Variants in TMEM164 observed in about 807,000 individuals in gnomAD.
The protein encoded by TMEM164 is RP13-360B22.2.
In TMEM164, 4 loss-of-function variants were observed where a neutral mutation model predicts 18.8. The ratio of observed to expected loss-of-function variants is 0.21; its 90% confidence interval spans 0.10 to 0.49. TMEM164 has a LOEUF of 0.49. Ranked by LOEUF, TMEM164 falls within the 20% of genes least tolerant of loss-of-function variation. TMEM164 has a pLI of 0.98. For missense variants in TMEM164, 108 were observed against 239.9 expected, an observed-to-expected ratio of 0.45 and a Z score of 3.63; for synonymous variants, 86 against 101.7, an observed-to-expected ratio of 0.85 and a Z score of 0.93.
chrX:110,055,203 A>C (rs1359949406), intron 2 of TMEM164: 2 of 325,278 alleles, frequency 6.1e-6, no homozygotes, highest in Non-Finnish European at 1.2e-5. Flanking sequence ...TATTCTCTTG[A>C]ATTTCTTTTT....
intron 3 of TMEM164, among the ~76,000 whole-genome samples, chrX:110,069,783 A>G (rs1188440016): frequency 9.2e-6 from 1 of 109,079 alleles, no homozygotes; most frequent in African/African-American, 3.3e-5. Flanking sequence ...TCCAAATATG[A>G]CTCTTTTCTT....
rs756509224 is a variant in TMEM164, at chrX:110,144,211, C to G, written c.508-587C>G. ...GGAAAGTTTATTCTTGGATCTAGAC[C>G]CTATGAGACCTAGCAATCATTTTTT... On this transcript the variant is annotated intron_variant, in intron 4 of 6. Transcript: ENST00000372068. Among the ~76,000 whole-genome samples, 4 of 111,645 alleles carry G rather than the reference C, an allele frequency of 3.6e-5. No homozygotes were observed. In the Admixed American group the frequency reaches 3.8e-4, roughly 11 times the overall value.
intron 2 of TMEM164, among the ~76,000 whole-genome samples, chrX:110,049,378 G>A (rs1262400415): frequency 9.0e-6 from 1 of 110,897 alleles, no homozygotes; most frequent in African/African-American, 3.3e-5. Flanking sequence ...ACTGAGGTGG[G>A]GGGTGGGGGA....
rs189742962 is a variant in TMEM164, at chrX:110,094,392, G to T, written c.441-14688G>T. Among the ~76,000 whole-genome samples, 405 of 112,062 alleles carry T rather than the reference G, an allele frequency of 3.6e-3. 1 individual carries two copies. Among genetic ancestry groups the T allele is most frequent in the African/African-American group, 0.012 (356 of 30,827 alleles). The stretch of plus-strand genomic sequence containing the variant: ...CCTGTAGTGGGTGCATATATATTTA[G>T]AATGGTTAGCTCTTCTTGTTGAATT... On this transcript the variant is annotated intron_variant, in intron 3 of 6. Coordinates refer to ENST00000372068, the MANE Select transcript of TMEM164 (RefSeq NM_032227.4).
At chrX:110,181,914 C>T (rs767774259), downstream of TMEM164, among the ~76,000 whole-genome samples, 52 of 111,857 alleles carry the variant, frequency 4.6e-4, no homozygotes, top group Non-Finnish European at 1.3e-4. Context: ...CACTCATACC[C>T]ACTCTGCCTT....
At chrX:110,154,383 G>A (rs564959175) in intron 5 of TMEM164, among the ~76,000 whole-genome samples, 1 of 111,344 alleles carries the variant, frequency 9.0e-6, no homozygotes, top group Non-Finnish European at 1.9e-5. Flanking sequence ...GGAGTGCATA[G>A]TACCACCAAG....
chrX:110,049,152 T>C (rs1935438757), intron 2 of TMEM164, among the ~76,000 whole-genome samples: 1 of 111,892 alleles, frequency 8.9e-6, no homozygotes, highest in African/African-American at 3.3e-5. Flanking sequence ...TCATTTGATT[T>C]GGGGCCCTGC....
chrX:110,007,195 G>A (rs762306323), intron 2 of TMEM164, among the ~76,000 whole-genome samples: 1 of 112,444 alleles, frequency 8.9e-6, no homozygotes, highest in South Asian at 3.7e-4. Flanking sequence ...ACTGCCAACT[G>A]TAGTAGCATA....
intron 3 of TMEM164, among the ~76,000 whole-genome samples, chrX:110,096,899 G>T (rs990571862): frequency 1.8e-5 from 2 of 112,001 alleles, no homozygotes; most frequent in Non-Finnish European, 3.8e-5. Context: ...ACAGGATTGC[G>T]CTACAGCACC....
intron 3 of TMEM164, among the ~76,000 whole-genome samples, chrX:110,093,523 T>G (rs1307215353): frequency 8.9e-6 from 1 of 112,076 alleles, no homozygotes; most frequent in Admixed American, 9.5e-5. Flanking sequence ...CTGTGGAATC[T>G]GTGGTGATAT....
intron 4 of TMEM164, among the ~76,000 whole-genome samples, chrX:110,135,960 C>G (rs901518657): frequency 5.4e-5 from 6 of 111,689 alleles, no homozygotes; most frequent in Non-Finnish European, 9.4e-5. Flanking sequence ...TACCATCTAC[C>G]TTATTTAATC....
intron 2 of TMEM164, chrX:110,055,386 T>G: frequency 5.6e-6 from 2 of 357,673 alleles, no homozygotes; most frequent in Non-Finnish European, 1.1e-5. Context: ...TAGACTATAA[T>G]TGAATGGCGC....
At chrX:110,022,112 A>G (rs1207343636) in intron 2 of TMEM164, among the ~76,000 whole-genome samples, 1 of 112,073 alleles carries the variant, frequency 8.9e-6, no homozygotes, top group Non-Finnish European at 1.9e-5. Flanking sequence ...AAACTCCTCA[A>G]GTGATTCTAA....
chrX:110,100,326 C>G (rs1270566040), intron 3 of TMEM164, among the ~76,000 whole-genome samples: 2 of 110,636 alleles, frequency 1.8e-5, no homozygotes, highest in African/African-American at 3.3e-5. Context: ...TGCCCTTTAT[C>G]AGGCTGAGGA....
At chrX:110,157,184 C>A (rs1451674109) in intron 5 of TMEM164, among the ~76,000 whole-genome samples, 2 of 111,155 alleles carry the variant, frequency 1.8e-5, no homozygotes, top group Non-Finnish European at 1.9e-5. Context: ...CATCAACTTG[C>A]AAACAGTAGA....
At chrX:110,017,399 C>CTCCTTCCTTCCT (rs1377920557) in intron 2 of TMEM164, among the ~76,000 whole-genome samples, 5 of 42,065 alleles carry the variant, frequency 1.2e-4, no homozygotes, top group African/African-American at 3.3e-4. Flanking sequence ...TGCAGGCCAC[C>CTCCTTCCTTCCT]TCCTTCCTTT....
intron 2 of TMEM164, among the ~76,000 whole-genome samples, chrX:110,004,571 A>G (rs1304503122): frequency 8.9e-6 from 1 of 111,962 alleles, no homozygotes; most frequent in Admixed American, 9.4e-5. Flanking sequence ...GGGCCTGGTG[A>G]CACTCTTTCC....
intron 3 of TMEM164, among the ~76,000 whole-genome samples, chrX:110,107,092 G>A (rs2066215041): frequency 8.9e-6 from 1 of 112,422 alleles, no homozygotes; most frequent in African/African-American, 3.2e-5. Flanking sequence ...CCAGGGGCAG[G>A]GAAGGAAGAA....
intron 3 of TMEM164, among the ~76,000 whole-genome samples, chrX:110,078,654 C>T (rs993089850): frequency 2.7e-5 from 3 of 111,162 alleles, no homozygotes; most frequent in African/African-American, 9.8e-5. Flanking sequence ...CCCATCTCTA[C>T]TAAAAATACA....
Sources: gnomAD v4.1 joint callset for allele counts (sites outside exome capture counted in the v4.1 genomes callset) on GRCh38, gnomAD v4.1.1 for gene constraint, MANE v1.5 for transcripts, NCBI Gene and HGNC (gene_info 2026-07-23, HGNC 2026-07-21) for gene names.